ARRB1: variants seen among roughly 807,000 people sequenced by gnomAD.
The protein encoded by ARRB1 is arrestin beta 1, also known as beta-arrestin-1.
A neutral mutation model predicts 56.8 loss-of-function variants in ARRB1; 21 were observed. The observed-to-expected ratio is 0.37, with a 90% CI of 0.26 to 0.53. ARRB1 has a LOEUF of 0.53. ARRB1 is among the 20% of genes least tolerant of loss of function. ARRB1 has a pLI of 0.88. For missense variants in ARRB1, 424 were observed against 553.7 expected, an observed-to-expected ratio of 0.77 and a Z score of 2.35; for synonymous variants, 210 against 218.6, an observed-to-expected ratio of 0.96 and a Z score of 0.35.
chr11:75,323,142 A>C (rs1166567960), intron 1 of ARRB1, among the ~76,000 whole-genome samples: 2 of 152,206 alleles, frequency 1.3e-5, no homozygotes, highest in African/African-American at 4.8e-5. Flanking sequence ...GCTCCAGCCC[A>C]CCTTGTGCCA....
At chr11:75,349,302 G>A (rs1947813689) in intron 1 of ARRB1, among the ~76,000 whole-genome samples, 2 of 152,292 alleles carry the variant, frequency 1.3e-5, no homozygotes, top group African/African-American at 2.4e-5. Flanking sequence ...TACAAGGGAA[G>A]CCCTAAAATG....
chr11:75,278,250 A>G (rs976477102), intron 8 of ARRB1, among the ~76,000 whole-genome samples: 2 of 152,032 alleles, frequency 1.3e-5, no homozygotes, highest in African/African-American at 4.8e-5. Flanking sequence ...GTTTGGCAGG[A>G]AGGTCACGGC....
intron 2 of ARRB1, among the ~76,000 whole-genome samples, chr11:75,288,703 C>T (rs1946539660): frequency 6.6e-6 from 1 of 151,590 alleles, no homozygotes; most frequent in Non-Finnish European, 1.5e-5. Flanking sequence ...GCAACCTCTA[C>T]CTCCCGGGTT....
At chr11:75,289,760 G>A (rs1049340067) in intron 2 of ARRB1, among the ~76,000 whole-genome samples, 6 of 152,036 alleles carry the variant, frequency 3.9e-5, no homozygotes, top group Admixed American at 1.3e-4. Flanking sequence ...ATGACAGGCC[G>A]TCTCTCCCTA....
chr11:75,271,895 C>T (rs2276310), intron 12 of ARRB1, among the ~76,000 whole-genome samples, 171 bp from the exon 13 acceptor site: 27,830 of 151,840 alleles, frequency 0.18, 3,560 homozygotes, highest in African/African-American at 0.37. Context: ...AGGGATACAC[C>T]GAAATGGCAT....
intron 7 of ARRB1, among the ~76,000 whole-genome samples, chr11:75,279,500 A>G (rs1475526726): frequency 6.6e-6 from 1 of 152,104 alleles, no homozygotes; most frequent in Non-Finnish European, 1.5e-5. Flanking sequence ...TCCGTTGCTC[A>G]GATAAGCTGC....
intron 1 of ARRB1, among the ~76,000 whole-genome samples, chr11:75,341,472 GC>G (rs1343956186): frequency 6.6e-6 from 1 of 152,078 alleles, no homozygotes; most frequent in Non-Finnish European, 1.5e-5. Context: ...TACCCTCTCT[GC>G]CCACAGAAAC....
rs2140394255 is a variant in ARRB1 at position 75,267,795 on chromosome 11, A to G, written c.1094-92T>C. The G allele has an allele frequency of 1.3e-5, 14 of 1,107,856 alleles. No homozygotes were observed. In the South Asian group the frequency reaches 1.8e-4, roughly 15 times the overall value. The allele number at this position is 1,107,856 out of a possible 1,614,324, so 68.6% of individuals were successfully genotyped here. On this transcript the variant is annotated intron_variant, in intron 14 of 15. Coordinates refer to ENST00000420843, the MANE Select transcript of ARRB1 (RefSeq NM_004041.5). Reference sequence around the variant, plus strand: ...CACAGGCCCCCACCCTGGGACAACCAGACTAACATGAGAAGGGCAAAGGAT... The same window carrying G: ...CACAGGCCCCCACCCTGGGACAACCGGACTAACATGAGAAGGGCAAAGGAT...
Position 75,265,053 on chromosome 11 carries a change from G to A in ARRB1, c.*1110C>T, listed in dbSNP as rs1945879218. The A allele has an allele frequency of 6.6e-6, 1 of 152,250 alleles. No homozygotes were observed. The highest frequency in any genetic ancestry group is 2.4e-5 in the African/African-American group (1 of 41,454). The allele number at this position is 152,250 out of a possible 1,614,324, so 9.4% of individuals were successfully genotyped here. A position where few individuals can be genotyped will look rare whatever the true frequency, so the allele number is the denominator to read the frequency against. On this transcript the variant is annotated 3_prime_UTR_variant, in exon 16 of 16. Transcript: ENST00000420843. ...CTTCCCTTCGGGTGAGGATATCTCA[G>A]TGGATGCTGCCACCTTCTGAGATAG...
chr11:75,291,218 T>G (rs1946605795), intron 1 of ARRB1, among the ~76,000 whole-genome samples: 1 of 152,080 alleles, frequency 6.6e-6, no homozygotes, highest in African/African-American at 2.4e-5. Context: ...GTGCTTGTAA[T>G]CCCAGCTACT....
rs752288502 is a variant in ARRB1, at chr11:75,351,623, C to T, written c.-16G>A. 1 of 1,401,770 alleles carries T rather than the reference C, an allele frequency of 7.1e-7. No individual in the cohort carries two copies. Among genetic ancestry groups the T allele is most frequent in the South Asian group, 1.5e-5 (1 of 67,786 alleles). 86.8% of individuals were successfully genotyped at this position (1,401,770 alleles called of 1,614,324 possible). On this transcript the variant is annotated 5_prime_UTR_variant, in exon 1 of 16. Coordinates refer to ENST00000420843, the MANE Select transcript of ARRB1 (RefSeq NM_004041.5). ...TGTCGCCCATGGTCCGCGACGGTCGCAGGGAGGTCCGCGGCGTCAGCGCCC... is the reference window on the plus strand; with the variant it reads ...TGTCGCCCATGGTCCGCGACGGTCGTAGGGAGGTCCGCGGCGTCAGCGCCC...
At chr11:75,335,129 G>T (rs374732351) in intron 1 of ARRB1, 45 of 238,572 alleles carry the variant, frequency 1.9e-4, no homozygotes, top group Non-Finnish European at 3.0e-4. Flanking sequence ...GCCCAGAGGC[G>T]ATCTGAGCAC....
intron 1 of ARRB1, among the ~76,000 whole-genome samples, chr11:75,294,083 T>C (rs750357288): frequency 5.3e-5 from 8 of 152,160 alleles, no homozygotes; most frequent in Admixed American, 1.3e-4. Context: ...GTAGAGGAAT[T>C]TGATTGGTCA....
intron 1 of ARRB1, among the ~76,000 whole-genome samples, chr11:75,297,976 T>C (rs1363644670): frequency 6.8e-6 from 1 of 148,054 alleles, no homozygotes; most frequent in African/African-American, 2.5e-5. Flanking sequence ...TTCATGACCT[T>C]GGGTTAAGCA....
In ARRB1 at chr11:75,272,865, C is replaced by T. The variant is rs375948898; in HGVS notation, c.998+30G>A. The T allele has an allele frequency of 9.6e-5, 154 of 1,612,458 alleles. No homozygotes were observed. In the South Asian group the frequency reaches 1.4e-3, roughly 15 times the overall value. On this transcript the variant is annotated intron_variant, in intron 12 of 15. Transcript: ENST00000420843. ...ACCTGGGACGCTCCCCTCTGCACTC[C>T]GGGGTCTTGGGCTTGGCTGGAGCAC... is the stretch of plus-strand genomic sequence containing the variant.
At chr11:75,342,546 C>T (rs565058748) in intron 1 of ARRB1, among the ~76,000 whole-genome samples, 3 of 152,270 alleles carry the variant, frequency 2.0e-5, no homozygotes, top group African/African-American at 4.8e-5. Context: ...GGTGGGTCAT[C>T]GGAAACCATG....
chr11:75,347,837 A>C (rs774568173), intron 1 of ARRB1, among the ~76,000 whole-genome samples: 17 of 152,178 alleles, frequency 1.1e-4, no homozygotes, highest in Non-Finnish European at 1.8e-4. Flanking sequence ...GGTCCAATCG[A>C]CCAGCAAGGT....
chr11:75,339,657 C>T (rs529600833), intron 1 of ARRB1, among the ~76,000 whole-genome samples: 14 of 152,328 alleles, frequency 9.2e-5, no homozygotes, highest in African/African-American at 1.4e-4. Context: ...TGTTTTGTCC[C>T]TGCTATAAAC....
chr11:75,312,017 C>T (rs967563671), intron 1 of ARRB1: 7 of 1,284,674 alleles, frequency 5.4e-6, no homozygotes, highest in East Asian at 5.5e-5. Flanking sequence ...AGGCCCAGAT[C>T]GGAGGCCCTG....
Sources: gnomAD v4.1 joint callset for allele counts (sites outside exome capture counted in the v4.1 genomes callset) on GRCh38, gnomAD v4.1.1 for gene constraint, MANE v1.5 for transcripts, NCBI Gene and HGNC (gene_info 2026-07-23, HGNC 2026-07-21) for gene names.